The following TM4SF20 variants were observed in gnomAD, a reference collection of about 807,000 sequenced individuals.
TM4SF20 encodes transmembrane 4 L6 family member 20.
A neutral mutation model predicts 15.1 loss-of-function variants in TM4SF20; 13 were observed. The observed-to-expected ratio is 0.86, with a 90% CI of 0.56 to 1.36. The LOEUF is 1.36. Ranked by LOEUF, TM4SF20 falls within the 40% of genes most tolerant of loss-of-function variation. The probability of loss-of-function intolerance (pLI) is 0.00; values close to 1 mark genes in which losing one functional copy is unlikely to be tolerated. For synonymous variants in TM4SF20, 92 were observed against 96.6 expected (o/e 0.95, Z 0.28); for missense variants, 282 against 268.4 (o/e 1.05, Z -0.35).
rs2106497702 is a variant in TM4SF20, at chr2:227,379,182, A to G, written c.87T>C (p.Pro29=). Reference sequence around the variant, plus strand: ...CTTCCTCAACTAAGCTGACAATTAGAGGTATCGCATTGAGAACTACTCCTA... The same window carrying G: ...CTTCCTCAACTAAGCTGACAATTAGGGGTATCGCATTGAGAACTACTCCTA... ...LLLGVVLNAI[P]LIVSLVEEDQ... Residue 29 remains proline (P), a synonymous_variant, in exon 1 of 4, where the codon CCT becomes CCC. Transcript: ENST00000304568. 1 of 1,614,198 alleles carries G rather than the reference A, an allele frequency of 6.2e-7. No homozygotes were observed. Among genetic ancestry groups the G allele is most frequent in the Non-Finnish European group, 8.5e-7 (1 of 1,180,024 alleles).
intron 1 of TM4SF20, among the ~76,000 whole-genome samples, chr2:227,375,710 T>C (rs1050767899): frequency 3.9e-5 from 6 of 152,116 alleles, no homozygotes; most frequent in Admixed American, 6.5e-5. Flanking sequence ...AGGACGGTCT[T>C]GATCTCCTGA....
At chr2:227,364,779 G>A (rs996157063) in intron 3 of TM4SF20, among the ~76,000 whole-genome samples, 2 of 152,212 alleles carry the variant, frequency 1.3e-5, no homozygotes, top group African/African-American at 4.8e-5. Context: ...ATATCTGAGC[G>A]CTGTTGTCTG....
intron 1 of TM4SF20, among the ~76,000 whole-genome samples, chr2:227,375,758 G>C (rs1019069189): frequency 1.3e-5 from 2 of 152,018 alleles, no homozygotes; most frequent in African/African-American, 2.4e-5. Context: ...CAAAGTGCTG[G>C]GATTACAGAC....
At chr2:227,370,121 G>A (rs972109848) in intron 2 of TM4SF20, among the ~76,000 whole-genome samples, 1 of 152,162 alleles carries the variant, frequency 6.6e-6, no homozygotes, top group East Asian at 1.9e-4. Context: ...TAGTGGGTAG[G>A]CATTAAATGT....
At position 227,379,152 on chromosome 2, in the gene TM4SF20, T is replaced by C. The variant is rs753137388; in HGVS notation, c.117A>G (p.Gln39=). The C allele has an allele frequency of 1.9e-6, 3 of 1,614,158 alleles. No individual in the cohort carries two copies. Among genetic ancestry groups the C allele is most frequent in the South Asian group, 1.1e-5 (1 of 91,078 alleles). ...PLIVSLVEED[Q]FSQNPISCFE... is the part of the protein sequence containing the mutation. ...AGCAAGAGATGGGGTTTTGAGAAAA[T>C]TGGTCTTCCTCAACTAAGCTGACAA... Residue 39 remains glutamine (Q), a synonymous_variant, in exon 1 of 4, where the codon CAA becomes CAG. Transcript: ENST00000304568.
chr2:227,368,180 C>T (rs62190921), intron 2 of TM4SF20, among the ~76,000 whole-genome samples: 2 of 149,908 alleles, frequency 1.3e-5, no homozygotes, highest in East Asian at 2.0e-4. Flanking sequence ...CCCGCCACCA[C>T]GCCCGGCTAA....
intron 2 of TM4SF20, among the ~76,000 whole-genome samples, chr2:227,369,957 C>T (rs2076412521): frequency 6.6e-6 from 1 of 152,180 alleles, no homozygotes; most frequent in South Asian, 2.1e-4. Flanking sequence ...TCTGAGCGTC[C>T]ATTCCTTCGT....
intron 2 of TM4SF20, among the ~76,000 whole-genome samples, chr2:227,367,363 G>A (rs1158141185): frequency 2.0e-5 from 3 of 152,168 alleles, no homozygotes; most frequent in South Asian, 2.1e-4. Context: ...ATGAAAGTTC[G>A]TGTTTGTTTT....
intron 2 of TM4SF20, 37 bp downstream of exon 2, chr2:227,370,878 T>G (rs758447242): frequency 6.3e-7 from 1 of 1,587,666 alleles, no homozygotes; most frequent in Admixed American, 1.7e-5. Context: ...TAACTGTTCA[T>G]GCACTTCTGC....
intron 2 of TM4SF20, 60 bp downstream of exon 2, chr2:227,370,855 G>T: frequency 7.0e-7 from 1 of 1,436,106 alleles, no homozygotes; most frequent in Non-Finnish European, 9.8e-7. Context: ...GTGTGGCTTT[G>T]CTTAGGTAGC....
chr2:227,369,744 T>C (rs2076411562), intron 2 of TM4SF20, among the ~76,000 whole-genome samples: 1 of 152,194 alleles, frequency 6.6e-6, no homozygotes, highest in Non-Finnish European at 1.5e-5. Flanking sequence ...TGAGAACCAT[T>C]GCTCTGAAAG....
intron 1 of TM4SF20, among the ~76,000 whole-genome samples, chr2:227,374,506 T>G (rs1262712180): frequency 2.0e-5 from 3 of 152,198 alleles, no homozygotes; most frequent in African/African-American, 7.2e-5. Flanking sequence ...TGAGTAATTA[T>G]GAGAACACAC....
At chr2:227,372,081 G>A (rs935354498) in intron 1 of TM4SF20, among the ~76,000 whole-genome samples, 3 of 152,102 alleles carry the variant, frequency 2.0e-5, no homozygotes, top group Non-Finnish European at 4.4e-5. Context: ...GAAATTTTAG[G>A]CGTAGGTTTT....
chr2:227,370,213 T>C (rs957501373), intron 2 of TM4SF20, among the ~76,000 whole-genome samples: 4 of 152,214 alleles, frequency 2.6e-5, no homozygotes, highest in African/African-American at 9.6e-5. Context: ...AACCAGTCTG[T>C]CATTGCATGA....
rs535371347 is a variant in TM4SF20 at position 227,368,638 on chromosome 2, T to C, written c.249+2277A>G. 1.1e-4 allele frequency among the ~76,000 whole-genome samples: 17 copies of C among 152,314 alleles called. No individual in the cohort carries two copies. In the East Asian group the frequency reaches 3.3e-3, roughly 29 times the overall value. On this transcript the variant is annotated intron_variant, in intron 2 of 3. Coordinates refer to ENST00000304568, the MANE Select transcript of TM4SF20 (RefSeq NM_024795.4). ...ACCTCAGCCTCCCAAAGTGCTGGGA[T>C]TGCAGGCGTGAGCCACCGCACCCAG...
chr2:227,377,094 G>A (rs1025493060), intron 1 of TM4SF20, among the ~76,000 whole-genome samples: 1 of 151,814 alleles, frequency 6.6e-6, no homozygotes, highest in Admixed American at 6.6e-5. Context: ...ATGTGTCATC[G>A]CCACCTCCGA....
At position 227,379,051 on chromosome 2, in the gene TM4SF20, C is replaced by T. The variant is rs754201583; in HGVS notation, c.183+35G>A. The T allele has an allele frequency of 2.5e-6, 4 of 1,601,708 alleles. No individual in the cohort carries two copies. The East Asian group carries it at 6.7e-5, about 27-fold the overall frequency. On this transcript the variant is annotated intron_variant, in intron 1 of 3. Coordinates refer to ENST00000304568, the MANE Select transcript of TM4SF20 (RefSeq NM_024795.4). The stretch of plus-strand genomic sequence containing the variant: ...TAGGATTTTGGTGAAATAGGCAGGC[C>T]CTTCTTCACATCAAGTCAAATAAAT...
upstream of TM4SF20, among the ~76,000 whole-genome samples, chr2:227,380,714 G>A (rs778154317): frequency 6.6e-6 from 1 of 152,188 alleles, no homozygotes; most frequent in Non-Finnish European, 1.5e-5. Context: ...GCTCAGCCCA[G>A]AGCATAGATT....
At chr2:227,370,744 C>A (rs902271383) in intron 2 of TM4SF20, among the ~76,000 whole-genome samples, 171 bp downstream of exon 2, 7 of 152,120 alleles carry the variant, frequency 4.6e-5, no homozygotes, top group African/African-American at 1.7e-4. Context: ...AGCAACAGAG[C>A]AAGACCCTGT....
Sources: gnomAD v4.1 joint callset for allele counts (sites outside exome capture counted in the v4.1 genomes callset) on GRCh38, gnomAD v4.1.1 for gene constraint, MANE v1.5 for transcripts, NCBI Gene and HGNC (gene_info 2026-07-23, HGNC 2026-07-21) for gene names.